The following WDR37 variants were observed in gnomAD, a reference collection of about 807,000 sequenced individuals.
The protein encoded by WDR37 is WD repeat domain 37.
WDR37 carries 19 observed loss-of-function variants against 62.9 expected under a neutral mutation model. That is an observed-to-expected ratio of 0.30 (90% confidence interval 0.21 to 0.44). The LOEUF (loss-of-function observed/expected upper bound fraction) is 0.44. Among genes scored for constraint, WDR37 ranks in the 20% least tolerant of loss-of-function variants. The pLI is 1.00. For synonymous variants in WDR37, 250 were observed against 260.9 expected (o/e 0.96, Z 0.40); for missense variants, 474 against 657.6 (o/e 0.72, Z 3.05).
At chr10:1,083,784 C>T (rs1185149388) in intron 5 of WDR37, among the ~76,000 whole-genome samples, 1 of 152,226 alleles carries the variant, frequency 6.6e-6, no homozygotes, top group East Asian at 1.9e-4. Context: ...AGGCCAGGGG[C>T]CTACGGCCGC....
intron 1 of WDR37, 60 bp from the exon 2 acceptor site, chr10:1,072,056 T>C (rs1456643650): frequency 4.4e-6 from 6 of 1,361,678 alleles, no homozygotes; most frequent in East Asian, 4.8e-5. Context: ...TCTTCTTCAC[T>C]GTTTTTCTTT....
chr10:1,104,838 T>C (rs1466294896), intron 10 of WDR37, among the ~76,000 whole-genome samples: 7 of 152,218 alleles, frequency 4.6e-5, no homozygotes, highest in Admixed American at 4.6e-4. Flanking sequence ...AAGATTTAAG[T>C]GGTTCTCACA....
chr10:1,069,389 A>T lies in WDR37; in HGVS notation c.-40-2727A>T, dbSNP rs866018166. ...GGAAAGAATATATATATATATATAT[A>T]TTTTTTTTTTTTTTTTTTGCAGCAG... On this transcript the variant is annotated intron_variant, in intron 1 of 13. Transcript: ENST00000263150. 7.2e-3 allele frequency among the ~76,000 whole-genome samples: 685 copies of T among 95,638 alleles called. 10 individuals carry two copies. Among genetic ancestry groups the T allele is most frequent in the Non-Finnish European group, 9.6e-3 (505 of 52,484 alleles). 62.7% of individuals were successfully genotyped at this position (95,638 alleles called of 152,430 possible). A position where few individuals can be genotyped will look rare whatever the true frequency, so the allele number is the denominator to read the frequency against.
chr10:1,077,590 G>T (rs546732178), intron 2 of WDR37, among the ~76,000 whole-genome samples: 1 of 152,022 alleles, frequency 6.6e-6, no homozygotes, highest in Non-Finnish European at 1.5e-5. Context: ...GGGAGCTGCC[G>T]CCTTTCTCTC....
intron 1 of WDR37, among the ~76,000 whole-genome samples, chr10:1,066,273 G>A (rs187762151): frequency 5.3e-5 from 8 of 152,126 alleles, no homozygotes; most frequent in East Asian, 1.9e-4. Context: ...CTGCCACCAC[G>A]CCCTGCTAAT....
chr10:1,098,746 G>A (rs1159568434), intron 9 of WDR37, among the ~76,000 whole-genome samples: 3 of 152,232 alleles, frequency 2.0e-5, no homozygotes, highest in Admixed American at 6.5e-5. Flanking sequence ...TGGACTTAGA[G>A]TCTCCAGAAC....
At chr10:1,091,216 C>T (rs146037785) in intron 7 of WDR37, among the ~76,000 whole-genome samples, 13 of 152,222 alleles carry the variant, frequency 8.5e-5, no homozygotes, top group African/African-American at 1.2e-4. Context: ...GGCCCAGCTT[C>T]GTTTGTGATT....
At chr10:1,102,504 G>A (rs1350583129) in intron 9 of WDR37, among the ~76,000 whole-genome samples, 1 of 152,132 alleles carries the variant, frequency 6.6e-6, no homozygotes, top group African/African-American at 2.4e-5. Context: ...TTCTGGGGAG[G>A]CTTCAGGGAG....
chr10:1,109,040 G>A (rs919176589), intron 11 of WDR37, among the ~76,000 whole-genome samples: 3 of 152,198 alleles, frequency 2.0e-5, no homozygotes, highest in African/African-American at 7.2e-5. Flanking sequence ...AGAGGAGGAC[G>A]CAGTGGAGCC....
chr10:1,099,224 A>G (rs569105495), intron 9 of WDR37, among the ~76,000 whole-genome samples: 2 of 152,328 alleles, frequency 1.3e-5, no homozygotes, highest in African/African-American at 4.8e-5. Flanking sequence ...GAGAGCAGTT[A>G]TCTCCCTAGT....
At position 1,124,915 on chromosome 10, in the gene WDR37, A is replaced by C. The variant is rs142252253; in HGVS notation, c.1244A>C (p.Asn415Thr). ...IRTDSAINRI[N>T]VCVGQKIIAL... ...CTTTTACCTCTTCTTTGCAGGATCA[A>C]TGTATGTGTCGGCCAAAAAATCATA... The change falls in exon 13 of 14, where the codon AAT (asparagine) becomes ACT (threonine). Residue 415 changes from asparagine (N) to threonine (T), a missense_variant. By Grantham distance (65) the Asn-to-Thr change is moderately conservative. Coordinates refer to ENST00000263150, the MANE Select transcript of WDR37 (RefSeq NM_014023.4). 2.1e-5 allele frequency: 34 copies of C among 1,614,032 alleles called. No homozygotes were observed. Among genetic ancestry groups the C allele is most frequent in the Non-Finnish European group, 2.8e-5 (33 of 1,180,028 alleles).
intron 7 of WDR37, among the ~76,000 whole-genome samples, chr10:1,092,580 G>T (rs572707427): frequency 2.0e-5 from 3 of 151,548 alleles, no homozygotes; most frequent in Non-Finnish European, 4.4e-5. Flanking sequence ...CCATGGTCTC[G>T]ATCTCCTGAC....
At chr10:1,089,262 C>CA (rs1333347608) in intron 7 of WDR37, among the ~76,000 whole-genome samples, 4 of 152,008 alleles carry the variant, frequency 2.6e-5, no homozygotes, top group African/African-American at 9.7e-5. Context: ...TCTGAGGGAT[C>CA]CAGCCTCAGT....
chr10:1,095,133 G>A (rs769627227), intron 8 of WDR37, among the ~76,000 whole-genome samples: 1 of 150,260 alleles, frequency 6.7e-6, no homozygotes, highest in Non-Finnish European at 1.5e-5. Context: ...GGAGAGAGGA[G>A]GGTTAGACTG....
chr10:1,131,612 C>T lies in WDR37; in HGVS notation c.*2268C>T, dbSNP rs1421435512. On this transcript the variant is annotated 3_prime_UTR_variant, in exon 14 of 14. Coordinates refer to ENST00000263150, the MANE Select transcript of WDR37 (RefSeq NM_014023.4). ...GGCACCTTGCTGTTCGCTGCTGTGT[C>T]GTCTTCTAATGTGAGCTCATCCACT... is the stretch of plus-strand genomic sequence containing the variant. 1 of 152,188 alleles carries T rather than the reference C, an allele frequency of 6.6e-6. No individual in the cohort carries two copies. 9.4% of individuals were successfully genotyped at this position (152,188 alleles called of 1,614,324 possible).
intron 8 of WDR37, among the ~76,000 whole-genome samples, chr10:1,095,454 T>C (rs1196804008): frequency 1.3e-5 from 2 of 152,018 alleles, no homozygotes; most frequent in Non-Finnish European, 2.9e-5. Context: ...TTGGGCATGA[T>C]GTTGATTTGA....
intron 7 of WDR37, among the ~76,000 whole-genome samples, chr10:1,091,657 A>G (rs1834392253): frequency 6.6e-6 from 1 of 152,140 alleles, no homozygotes; most frequent in Non-Finnish European, 1.5e-5. Flanking sequence ...ACTGGTGCTG[A>G]CTGATGGTAG....
chr10:1,066,407 C>T (rs574373406), intron 1 of WDR37, among the ~76,000 whole-genome samples: 165 of 152,322 alleles, frequency 1.1e-3, no homozygotes, highest in South Asian at 1.9e-3. Flanking sequence ...TGAGCCACCT[C>T]GCCCAGCCCG....
intron 3 of WDR37, 65 bp downstream of exon 3, chr10:1,078,068 G>A: frequency 1.6e-6 from 2 of 1,241,532 alleles, no homozygotes; most frequent in Non-Finnish European, 2.3e-6. Context: ...TTTATGAATA[G>A]ACATTCATCA....
Sources: gnomAD v4.1 joint callset for allele counts (sites outside exome capture counted in the v4.1 genomes callset) on GRCh38, gnomAD v4.1.1 for gene constraint, MANE v1.5 for transcripts, NCBI Gene and HGNC (gene_info 2026-07-23, HGNC 2026-07-21) for gene names.